Variants in SSH2 observed in about 807,000 individuals in gnomAD.
SSH2 encodes slingshot protein phosphatase 2.
A neutral mutation model predicts 135.2 loss-of-function variants in SSH2; 37 were observed. That is an observed-to-expected ratio of 0.27 (90% CI 0.21 to 0.36). The LOEUF is 0.36. Among genes scored for constraint, SSH2 ranks in the 10% least tolerant of loss-of-function variants. The pLI is 1.00. For synonymous variants in SSH2, 628 were observed against 646.2 expected (o/e 0.97, Z 0.43); for missense variants, 1,408 against 1,765.3 (o/e 0.80, Z 3.63).
chr17:29,695,469 T>A lies in SSH2; in HGVS notation c.347A>T (p.Asn116Ile). The part of the protein sequence containing the change: ...AMFILLRPED[N>I]IRLAVRLEST... Reference sequence around the variant, plus strand: ...ACACCACTAACTTACCAGCCTGATGTTGTCTTCTGGGCGGAGTAAAATGAA... The same window carrying A: ...ACACCACTAACTTACCAGCCTGATGATGTCTTCTGGGCGGAGTAAAATGAA... The change falls in exon 5 of 16, where the codon AAC (asparagine) becomes ATC (isoleucine). Residue 116 changes from asparagine to isoleucine, a missense_variant. This residue lies in a region of SSH2 where 222 missense variants were observed against 355.6 expected (regional missense o/e 0.62). Coordinates refer to ENST00000540801, the MANE Select transcript of SSH2 (RefSeq NM_001282129.2). 1 of 1,611,526 alleles carries A rather than the reference T, an allele frequency of 6.2e-7. No homozygotes were observed. Among genetic ancestry groups the A allele is most frequent in the South Asian group, 1.1e-5 (1 of 90,432 alleles).
chr17:29,701,013 C>T (rs1395254876), intron 4 of SSH2, among the ~76,000 whole-genome samples: 1 of 151,888 alleles, frequency 6.6e-6, no homozygotes, highest in Non-Finnish European at 1.5e-5. Context: ...CTGTGTCGCC[C>T]AGGCTGGAGT....
chr17:29,738,299 T>C (rs1380010967), intron 3 of SSH2, among the ~76,000 whole-genome samples: 1 of 152,224 alleles, frequency 6.6e-6, no homozygotes, highest in Non-Finnish European at 1.5e-5. Flanking sequence ...GGTGTATATG[T>C]GCCACATTTT....
At chr17:29,928,984 T>G (rs1212143695) in intron 1 of SSH2, among the ~76,000 whole-genome samples, 2 of 152,196 alleles carry the variant, frequency 1.3e-5, no homozygotes, top group African/African-American at 4.8e-5. Flanking sequence ...AACATCTGGA[T>G]GTTGGTTTTT....
rs141952002 is a variant in SSH2 at position 29,891,245 on chromosome 17, G to T, written c.63+38693C>A. ...ACTTAACAGAATCACCCAAGAGCCT[G>T]TTAAAAAACACACAGTCCTGACTAT... On this transcript the variant is annotated intron_variant, in intron 1 of 15. Transcript: ENST00000540801. Among the ~76,000 whole-genome samples, 127 of 152,146 alleles carry T rather than the reference G, an allele frequency of 8.3e-4. No individual in the cohort carries two copies. The East Asian group carries it at 0.021, about 26-fold the overall frequency.
chr17:29,739,063 C>T (rs184308575), intron 3 of SSH2, among the ~76,000 whole-genome samples: 24 of 152,266 alleles, frequency 1.6e-4, no homozygotes, highest in East Asian at 5.8e-4. Context: ...GAAACACTAT[C>T]GCAGAAGTTC....
At chr17:29,859,174 T>C (rs2065716179) in intron 1 of SSH2, among the ~76,000 whole-genome samples, 1 of 152,190 alleles carries the variant, frequency 6.6e-6, no homozygotes, top group Non-Finnish European at 1.5e-5. Flanking sequence ...CTAGTGGCTA[T>C]CTGCATTCTT....
chr17:29,696,182 C>T (rs1018884727), intron 4 of SSH2, among the ~76,000 whole-genome samples: 12 of 121,598 alleles, frequency 9.9e-5, no homozygotes, highest in African/African-American at 3.0e-4. Context: ...TATACACACA[C>T]ACACACACAC....
rs115180068 is a variant in SSH2, at chr17:29,749,430, C to G, written c.188+44464G>C. Among the ~76,000 whole-genome samples the G allele has an allele frequency of 5.0e-3, 759 of 152,278 alleles. 9 individuals carry two copies. Among genetic ancestry groups the G allele is most frequent in the African/African-American group, 0.017 (718 of 41,552 alleles). On this transcript the variant is annotated intron_variant, in intron 3 of 15. Coordinates refer to ENST00000540801, the MANE Select transcript of SSH2 (RefSeq NM_001282129.2). ...TAACCATATAGGTGGAAAACCTGTA[C>G]AGCATGTTACTATACTGAATACTGT...
intron 1 of SSH2, among the ~76,000 whole-genome samples, chr17:29,859,593 T>C (rs1307809630): frequency 6.6e-6 from 1 of 152,188 alleles, no homozygotes; most frequent in Admixed American, 6.5e-5. Context: ...AGCATCCAGC[T>C]CCATCCATGT....
At chr17:29,928,810 T>TC (rs2067118510) in intron 1 of SSH2, among the ~76,000 whole-genome samples, 1 of 42,510 alleles carries the variant, frequency 2.4e-5, no homozygotes, top group South Asian at 1.1e-3. Flanking sequence ...GGTAACCTGA[T>TC]GATTTTTTTA....
chr17:29,830,093 C>A (rs1476993635), intron 2 of SSH2, among the ~76,000 whole-genome samples: 1 of 152,142 alleles, frequency 6.6e-6, no homozygotes, highest in Non-Finnish European at 1.5e-5. Context: ...TCCGCCTCGG[C>A]CTCCCAAAGT....
At chr17:29,651,411 C>T (rs1179366175) in intron 12 of SSH2, among the ~76,000 whole-genome samples, 1 of 152,230 alleles carries the variant, frequency 6.6e-6, no homozygotes, top group East Asian at 1.9e-4. Flanking sequence ...GACTGCATTA[C>T]TGGCTGCTAT....
At chr17:29,847,473 C>T (rs2043151687) in intron 2 of SSH2, among the ~76,000 whole-genome samples, 1 of 152,122 alleles carries the variant, frequency 6.6e-6, no homozygotes, top group Non-Finnish European at 1.5e-5. Flanking sequence ...AGCCGACCCC[C>T]TCAGGTTTTT....
intron 2 of SSH2, among the ~76,000 whole-genome samples, chr17:29,841,828 G>C (rs147532221): frequency 8.6e-4 from 131 of 151,756 alleles, no homozygotes; most frequent in African/African-American, 3.0e-3. Flanking sequence ...CTGGGCTCAA[G>C]TGATCGTCCC....
chr17:29,651,112 A>G (rs973254065), intron 12 of SSH2, among the ~76,000 whole-genome samples: 1 of 152,200 alleles, frequency 6.6e-6, no homozygotes, highest in African/African-American at 2.4e-5. Context: ...AATATGCCTC[A>G]TATTTTACTC....
At chr17:29,791,308 A>G (rs1403969794) in intron 3 of SSH2, among the ~76,000 whole-genome samples, 1 of 151,116 alleles carries the variant, frequency 6.6e-6, no homozygotes, top group Non-Finnish European at 1.5e-5. Context: ...TTGCTCTTGA[A>G]CTCCTGACCT....
At position 29,647,444 on chromosome 17, in the gene SSH2, T is replaced by C. The variant is rs1445474074; in HGVS notation, c.1427+700A>G. ...GCTAAGCCTCGCATTACCTTGAGAG[T>C]CACTGGTATCCATTTTTTTTTTTTA... On this transcript the variant is annotated intron_variant, in intron 14 of 15. Transcript: ENST00000540801. Among the ~76,000 whole-genome samples the C allele has an allele frequency of 5.9e-5, 9 of 151,666 alleles. No individual in the cohort carries two copies. In the East Asian group the frequency reaches 1.7e-3, roughly 29 times the overall value.
intron 5 of SSH2, 68 bp downstream of exon 5, chr17:29,695,391 A>G: frequency 8.2e-7 from 1 of 1,226,240 alleles, no homozygotes; most frequent in Non-Finnish European, 1.2e-6. Flanking sequence ...TGTAAAAATG[A>G]CTGTTCAATT....
intron 2 of SSH2, among the ~76,000 whole-genome samples, chr17:29,814,953 T>C (rs190960596): frequency 1.3e-4 from 19 of 149,960 alleles, no homozygotes; most frequent in East Asian, 3.9e-4. Context: ...TTCTTTCTTT[T>C]TTTTTTTTTT....
Sources: gnomAD v4.1 joint callset for allele counts (sites outside exome capture counted in the v4.1 genomes callset) on GRCh38, gnomAD v4.1.1 for gene constraint, gnomAD v4.1.1 regional missense constraint, MANE v1.5 for transcripts, NCBI Gene and HGNC (gene_info 2026-07-23, HGNC 2026-07-21) for gene names.